The following CTH variants were observed in gnomAD, a reference collection of about 807,000 sequenced individuals.
CTH encodes the protein cystathionase (cystathionine gamma-lyase).
Under a neutral mutation model 50.6 loss-of-function variants are expected in CTH, and 41 were observed. That is an observed-to-expected ratio of 0.81 (90% confidence interval 0.63 to 1.05). The LOEUF is 1.05. Ranked by LOEUF, CTH falls within the 50% of genes least tolerant of loss-of-function variation. The pLI is 0.00. For synonymous variants in CTH, 156 were observed against 168.9 expected, an observed-to-expected ratio of 0.92 and a Z score of 0.59; for missense variants, 470 against 492.6, an observed-to-expected ratio of 0.95 and a Z score of 0.43.
chr1:70,413,030 GA>G (rs1274736047), intron 1 of CTH, among the ~76,000 whole-genome samples: 1 of 151,942 alleles, frequency 6.6e-6, no homozygotes, highest in Non-Finnish European at 1.5e-5. Context: ...GGATCTTAGA[GA>G]ATTTAAAAGT....
At chr1:70,424,700 T>C (rs1462401056) in intron 5 of CTH, among the ~76,000 whole-genome samples, 1 of 152,200 alleles carries the variant, frequency 6.6e-6, no homozygotes, top group East Asian at 1.9e-4. Flanking sequence ...CCCAGCACTT[T>C]GGGAGGCCGA....
At chr1:70,421,510 T>A (rs947120481) in intron 3 of CTH, 56 bp from the exon 4 acceptor site, 2 of 1,555,248 alleles carry the variant, frequency 1.3e-6, no homozygotes, top group East Asian at 4.5e-5. Flanking sequence ...ATAGAAGGAA[T>A]GAATGTTTCT....
intron 7 of CTH, 134 bp from the exon 8 acceptor site, chr1:70,431,949 T>G: frequency 1.2e-6 from 1 of 857,678 alleles, no homozygotes; most frequent in East Asian, 2.5e-5. Flanking sequence ...TTTGATATAT[T>G]ATTTTCCTCC....
Position 70,432,161 on chromosome 1 carries a change from A to G in CTH, c.803A>G (p.Lys268Arg). ...GLKTLHVRME[K>R]HFKNGMAVAQ... ...AAGACTCTACATGTCCGAATGGAAA[A>G]GCATTTCAAAAACGGAATGGCAGTT... is the stretch of plus-strand genomic sequence containing the variant. Residue 268 changes from lysine (K) to arginine (R), a missense_variant, in exon 8 of 12, where the codon AAG becomes AGG. Lys to Arg is a conservative substitution (Grantham distance 26, BLOSUM62 2). Transcript: ENST00000370938. 1 of 1,614,180 alleles carries G rather than the reference A, an allele frequency of 6.2e-7. No individual in the cohort carries two copies.
chr1:70,439,101 C>T lies in CTH; in HGVS notation c.1192C>T (p.His398Tyr). The change falls in exon 12 of 12, where the codon CAC becomes TAC. Residue 398 changes from histidine to tyrosine, a missense_variant and splice_region_variant. By Grantham distance (83) the His-to-Tyr change is moderately conservative. Coordinates refer to ENST00000370938, the MANE Select transcript of CTH (RefSeq NM_001902.6). Reference sequence around the variant, plus strand: ...TTTTTCTTGTGCACTGTTATTATAGCACCCTCCAAGTGGAAGTCACAGCTA... The same window carrying T: ...TTTTTCTTGTGCACTGTTATTATAGTACCCTCCAAGTGGAAGTCACAGCTA... ...EDLDQALKAA[H>Y]PPSGSHS The T allele has an allele frequency of 6.2e-7, 1 of 1,611,660 alleles. No homozygotes were observed. The highest frequency in any genetic ancestry group is 8.5e-7 in the Non-Finnish European group (1 of 1,177,804).
In CTH at chr1:70,432,175, G is replaced by A. The variant is rs1572268852; in HGVS notation, c.817G>A (p.Gly273Arg). 2 of 1,614,038 alleles carry A rather than the reference G, an allele frequency of 1.2e-6. No individual in the cohort carries two copies. Among genetic ancestry groups the A allele is most frequent in the Admixed American group, 1.7e-5 (1 of 60,012 alleles). Residue 273 changes from glycine to arginine, a missense_variant, in exon 8 of 12, where the codon GGA (glycine) becomes AGA (arginine). Transcript: ENST00000370938. ...HVRMEKHFKNGMAVAQFLESN... is the reference protein window; with the variant it reads ...HVRMEKHFKNRMAVAQFLESN... ...CCGAATGGAAAAGCATTTCAAAAAC[G>A]GAATGGCAGTTGCCCAGTTCCTGGA... is the stretch of plus-strand genomic sequence containing the variant.
chr1:70,434,597 G>GT (rs958088555), intron 9 of CTH, among the ~76,000 whole-genome samples: 271 of 144,436 alleles, frequency 1.9e-3, no homozygotes, highest in Middle Eastern at 7.3e-3. Context: ...AAAAACAGTG[G>GT]TTTTTTTTTT....
intron 5 of CTH, among the ~76,000 whole-genome samples, chr1:70,425,523 C>G (rs1486945953): frequency 6.6e-6 from 1 of 152,158 alleles, no homozygotes; most frequent in Non-Finnish European, 1.5e-5. Context: ...CATTCTCACA[C>G]TGCTATAAAG....
In CTH at chr1:70,429,001, G is replaced by A. The variant is rs546306583; in HGVS notation, c.589-793G>A. The stretch of plus-strand genomic sequence containing the variant: ...AGCGGCTTGATCATGGTCCACTGCA[G>A]CCTGAAACTCCTGATCTCAAGTGAT... On this transcript the variant is annotated intron_variant, in intron 5 of 11. Transcript: ENST00000370938. 5.6e-4 allele frequency among the ~76,000 whole-genome samples: 85 copies of A among 152,140 alleles called. 1 individual carries two copies. The South Asian group carries it at 0.017, about 30-fold the overall frequency.
chr1:70,419,675 A>G (rs994435012), intron 3 of CTH, among the ~76,000 whole-genome samples: 1 of 151,596 alleles, frequency 6.6e-6, no homozygotes, highest in African/African-American at 2.4e-5. Flanking sequence ...TGTTGTGCAC[A>G]TGTACCCTAA....
Position 70,411,287 on chromosome 1 carries a change from C to T in CTH, c.-129C>T. The T allele has an allele frequency of 6.7e-6, 6 of 902,088 alleles. No homozygotes were observed. In the Middle Eastern group the frequency reaches 6.9e-4, roughly 103 times the overall value. 55.9% of individuals were successfully genotyped at this position (902,088 alleles called of 1,614,324 possible). ...CTGTGTGCCGCTTTAGTGCGCTCGCCGTCGGCTCTACCTGCGTGCTTTAGC... is the reference window on the plus strand; with the variant it reads ...CTGTGTGCCGCTTTAGTGCGCTCGCTGTCGGCTCTACCTGCGTGCTTTAGC... On this transcript the variant is annotated 5_prime_UTR_variant, in exon 1 of 12. Coordinates refer to ENST00000370938, the MANE Select transcript of CTH (RefSeq NM_001902.6).
At chr1:70,426,571 A>G (rs2101745620) in intron 5 of CTH, among the ~76,000 whole-genome samples, 1 of 152,226 alleles carries the variant, frequency 6.6e-6, no homozygotes, top group South Asian at 2.1e-4. Flanking sequence ...AGGCATTGTC[A>G]TGGTTTATTT....
chr1:70,419,041 T>A (rs1684156621), intron 3 of CTH, among the ~76,000 whole-genome samples: 1 of 144,398 alleles, frequency 6.9e-6, no homozygotes, highest in Admixed American at 7.1e-5. Flanking sequence ...GTTCTCATTG[T>A]TCAATTCCCA....
At chr1:70,435,395 C>T (rs1180052718) in intron 10 of CTH, among the ~76,000 whole-genome samples, 1 of 152,058 alleles carries the variant, frequency 6.6e-6, no homozygotes, top group Non-Finnish European at 1.5e-5. Flanking sequence ...AATGTTGCTT[C>T]CTTCCCTGCT....
rs182701530 is a variant in CTH at position 70,428,079 on chromosome 1, A to G, written c.589-1715A>G. Among the ~76,000 whole-genome samples, 11 of 151,684 alleles carry G rather than the reference A, an allele frequency of 7.3e-5. No individual in the cohort carries two copies. The East Asian group carries it at 2.1e-3, about 29-fold the overall frequency. On this transcript the variant is annotated intron_variant, in intron 5 of 11. Transcript: ENST00000370938. The stretch of plus-strand genomic sequence containing the variant: ...TGGTTGTAAACAAATACATTTTAAG[A>G]CTACAGGATTAACCTAGAGGACATT...
At position 70,420,958 on chromosome 1, in the gene CTH, A is replaced by G. The variant is rs528630138; in HGVS notation, c.347-608A>G. Among the ~76,000 whole-genome samples the G allele has an allele frequency of 2.6e-5, 4 of 152,240 alleles. No individual in the cohort carries two copies. In the South Asian group the frequency reaches 8.3e-4, roughly 32 times the overall value. On this transcript the variant is annotated intron_variant, in intron 3 of 11. Transcript: ENST00000370938. ...TTTGTTGTTGTTGTTGTTATTGAGTATCAATATCAATTTTTTCTTTAAGTT... is the reference window on the plus strand; with the variant it reads ...TTTGTTGTTGTTGTTGTTATTGAGTGTCAATATCAATTTTTTCTTTAAGTT...
chr1:70,425,542 C>A (rs547500996), intron 5 of CTH, among the ~76,000 whole-genome samples: 1 of 152,214 alleles, frequency 6.6e-6, no homozygotes, highest in East Asian at 1.9e-4. Flanking sequence ...AGAAATAATC[C>A]GAGACTGCGT....
intron 1 of CTH, among the ~76,000 whole-genome samples, chr1:70,412,885 G>A (rs900788307): frequency 6.6e-6 from 1 of 152,102 alleles, no homozygotes; most frequent in African/African-American, 2.4e-5. Context: ...AGGTCAGAAG[G>A]CAGGACAGGT....
intron 2 of CTH, among the ~76,000 whole-genome samples, chr1:70,416,609 G>A (rs1156611478): frequency 6.6e-6 from 1 of 150,436 alleles, no homozygotes; most frequent in African/African-American, 2.5e-5. Context: ...TGTCGCTCAG[G>A]CTGGAGTGCA....
Sources: gnomAD v4.1 joint callset for allele counts (sites outside exome capture counted in the v4.1 genomes callset) on GRCh38, gnomAD v4.1.1 for gene constraint, MANE v1.5 for transcripts, NCBI Gene and HGNC (gene_info 2026-07-23, HGNC 2026-07-21) for gene names.